The following SUMF1 variants were observed in gnomAD, a reference collection of about 807,000 sequenced individuals.
SUMF1 encodes sulfatase modifying factor 1, also known as formylglycine-generating enzyme.
A neutral mutation model predicts 47.6 loss-of-function variants in SUMF1; 48 were observed. That is an observed-to-expected ratio of 1.01 (90% confidence interval 0.80 to 1.28). The LOEUF (loss-of-function observed/expected upper bound fraction) is 1.28, where lower values mean the gene tolerates loss of function less well. Ranked by LOEUF, SUMF1 falls within the 50% of genes most tolerant of loss-of-function variation. SUMF1 has a pLI of 0.00. For missense variants in SUMF1, 571 were observed against 485.4 expected (o/e 1.18, Z -1.66); for synonymous variants, 230 against 192.1 (o/e 1.20, Z -1.63).
At chr3:4,283,965 A>C (rs1025878393) in intron 8 of SUMF1, among the ~76,000 whole-genome samples, 2 of 152,192 alleles carry the variant, frequency 1.3e-5, no homozygotes, top group African/African-American at 4.8e-5. Flanking sequence ...ATCTGCTCTC[A>C]TCACCTAATC....
In SUMF1 at chr3:4,361,685, CTAT is replaced by C; in HGVS notation, c.*456_*458del. Reference sequence around the variant, plus strand: ...AAAAATAATCTATAATAAATTCTCACTATGAAGTCACAATAGAATCTGATACCC... The same window carrying C: ...AAAAATAATCTATAATAAATTCTCACGAAGTCACAATAGAATCTGATACCC... On this transcript the variant is annotated 3_prime_UTR_variant, in exon 9 of 9. Coordinates refer to ENST00000272902, the MANE Select transcript of SUMF1 (RefSeq NM_182760.4). The C allele has an allele frequency of 1.9e-5, 1 of 51,434 alleles. No homozygotes were observed. The highest frequency in any genetic ancestry group is 3.3e-5 in the Non-Finnish European group (1 of 30,324). 3.2% of individuals were successfully genotyped at this position (51,434 alleles called of 1,614,324 possible).
chr3:4,370,604 C>G (rs1295174581), intron 8 of SUMF1, among the ~76,000 whole-genome samples: 1 of 152,096 alleles, frequency 6.6e-6, no homozygotes, highest in Non-Finnish European at 1.5e-5. Context: ...GAGGATTCTA[C>G]AGCTGCGACA....
chr3:4,394,160 A>T (rs1260558002), intron 7 of SUMF1, among the ~76,000 whole-genome samples: 1 of 152,048 alleles, frequency 6.6e-6, no homozygotes, highest in Non-Finnish European at 1.5e-5. Flanking sequence ...TTACAGTCAC[A>T]TACTGAAGTG....
chr3:4,367,315 C>A (rs941155564), intron 8 of SUMF1, among the ~76,000 whole-genome samples: 52 of 152,228 alleles, frequency 3.4e-4, no homozygotes, highest in Middle Eastern at 3.4e-3. Context: ...CTGTGCCCTG[C>A]CCCCAGAGGT....
At chr3:4,331,654 C>G (rs770729442) in intron 8 of SUMF1, among the ~76,000 whole-genome samples, 2 of 152,136 alleles carry the variant, frequency 1.3e-5, no homozygotes, top group Admixed American at 1.3e-4. Context: ...CATGGTGAAA[C>G]CCTGTCTCTA....
intron 8 of SUMF1, among the ~76,000 whole-genome samples, chr3:4,367,381 G>A (rs13091278): frequency 0.38 from 58,433 of 152,118 alleles, 11,729 homozygotes; most frequent in Non-Finnish European, 0.46. Flanking sequence ...CACCCATTTC[G>A]AGCTTCCCAG....
chr3:4,039,983 T>A (rs151078276), intron 9 of SUMF1, among the ~76,000 whole-genome samples: 1 of 152,084 alleles, frequency 6.6e-6, no homozygotes, highest in African/African-American at 2.4e-5. Flanking sequence ...GATCACACCA[T>A]AGCACTCCAA....
intron 8 of SUMF1, among the ~76,000 whole-genome samples, chr3:4,162,194 G>C (rs1020507145): frequency 6.6e-6 from 1 of 152,110 alleles, no homozygotes; most frequent in Non-Finnish European, 1.5e-5. Context: ...GCAAGACAAA[G>C]TCCTCTTTAC....
chr3:4,394,864 G>A (rs1700991550), intron 7 of SUMF1, among the ~76,000 whole-genome samples: 1 of 152,154 alleles, frequency 6.6e-6, no homozygotes, highest in Non-Finnish European at 1.5e-5. Context: ...CATCATCAAA[G>A]TATTTTTATC....
intron 9 of SUMF1, among the ~76,000 whole-genome samples, chr3:4,061,134 G>A (rs1175521675): frequency 6.6e-6 from 1 of 152,144 alleles, no homozygotes; most frequent in Non-Finnish European, 1.5e-5. Flanking sequence ...GAATTGGGCA[G>A]CCCCCTGATC....
At chr3:4,448,507 C>T (rs2125121951) in intron 3 of SUMF1, among the ~76,000 whole-genome samples, 1 of 152,280 alleles carries the variant, frequency 6.6e-6, no homozygotes, top group Non-Finnish European at 1.5e-5. Context: ...CATTCTCTAC[C>T]CTCTTTGTTT....
chr3:4,280,865 G>A (rs961311448), intron 8 of SUMF1, among the ~76,000 whole-genome samples: 2 of 92,850 alleles, frequency 2.2e-5, no homozygotes, highest in Non-Finnish European at 4.5e-5. Flanking sequence ...GTGTGTGTGT[G>A]TGTGTGTTCT....
intron 8 of SUMF1, among the ~76,000 whole-genome samples, chr3:4,188,034 G>A (rs1182096402): frequency 6.6e-6 from 1 of 151,950 alleles, no homozygotes; most frequent in Non-Finnish European, 1.5e-5. Flanking sequence ...GGACAGTATG[G>A]AAATTTCTCA....
At chr3:4,311,479 A>G (rs1052716112) in intron 8 of SUMF1, among the ~76,000 whole-genome samples, 1 of 152,196 alleles carries the variant, frequency 6.6e-6, no homozygotes, top group Non-Finnish European at 1.5e-5. Flanking sequence ...GGACCAGAAT[A>G]AAAAACAGCC....
intron 8 of SUMF1, chr3:4,303,950 G>A: frequency 9.9e-7 from 1 of 1,010,516 alleles, no homozygotes. Context: ...CCTTAGCTGT[G>A]GTCTCCCTCA....
At chr3:4,399,554 A>G (rs1701142268) in intron 7 of SUMF1, among the ~76,000 whole-genome samples, 1 of 152,198 alleles carries the variant, frequency 6.6e-6, no homozygotes, top group Non-Finnish European at 1.5e-5. Context: ...CTATCTGAAA[A>G]TATTAAGCAG....
At chr3:4,188,261 C>T (rs748258536) in intron 8 of SUMF1, among the ~76,000 whole-genome samples, 11 of 151,750 alleles carry the variant, frequency 7.2e-5, no homozygotes, top group Admixed American at 2.6e-4. Context: ...CTGCAATCTC[C>T]GCCTCCCAGG....
At chr3:4,340,392 T>A (rs1315232655) in intron 8 of SUMF1, among the ~76,000 whole-genome samples, 1 of 152,174 alleles carries the variant, frequency 6.6e-6, no homozygotes, top group Non-Finnish European at 1.5e-5. Context: ...CATCCTTTTG[T>A]GAATGCAGAG....
chr3:4,230,178 A>G (rs543788487), intron 8 of SUMF1, among the ~76,000 whole-genome samples: 66 of 152,000 alleles, frequency 4.3e-4, no homozygotes, highest in African/African-American at 1.4e-3. Flanking sequence ...CTTTCCTTAC[A>G]GCAACCAATT....
Sources: gnomAD v4.1 joint callset for allele counts (sites outside exome capture counted in the v4.1 genomes callset) on GRCh38, gnomAD v4.1.1 for gene constraint, MANE v1.5 for transcripts, NCBI Gene and HGNC (gene_info 2026-07-23, HGNC 2026-07-21) for gene names.